Variants in VPS41 observed in about 807,000 individuals in gnomAD.
The protein encoded by VPS41 is VPS41 subunit of HOPS complex.
A neutral mutation model predicts 130.9 loss-of-function variants in VPS41; 85 were observed. The observed-to-expected ratio is 0.65, with a 90% confidence interval of 0.55 to 0.78. The LOEUF is 0.78. Ranked by LOEUF, VPS41 falls within the 30% of genes least tolerant of loss-of-function variation. The pLI is 0.00. For missense variants in VPS41, 874 were observed against 1,018.7 expected, an observed-to-expected ratio of 0.86 and a Z score of 1.93; for synonymous variants, 335 against 332.9, an observed-to-expected ratio of 1.01 and a Z score of -0.07.
intron 2 of VPS41, among the ~76,000 whole-genome samples, chr7:38,887,803 G>C (rs1160681632): frequency 1.3e-5 from 2 of 152,182 alleles, no homozygotes; most frequent in African/African-American, 4.8e-5. Flanking sequence ...CCCACAAAGG[G>C]AGGCCTATCA....
chr7:38,882,029 C>A (rs1411923974), intron 2 of VPS41, among the ~76,000 whole-genome samples: 1 of 152,154 alleles, frequency 6.6e-6, no homozygotes, highest in African/African-American at 2.4e-5. Flanking sequence ...TTCTAGATTG[C>A]ACCATTTTGT....
intron 18 of VPS41, among the ~76,000 whole-genome samples, chr7:38,758,108 T>C (rs1000069658): frequency 6.6e-6 from 1 of 152,162 alleles, no homozygotes; most frequent in South Asian, 2.1e-4. Context: ...TCCTAACCAC[T>C]GCCTCTCCCA....
At chr7:38,871,314 A>G (rs1786354056) in intron 2 of VPS41, among the ~76,000 whole-genome samples, 1 of 152,236 alleles carries the variant, frequency 6.6e-6, no homozygotes, top group African/African-American at 2.4e-5. Context: ...CAGAGACTGC[A>G]AACTCAAATT....
At chr7:38,738,827 CAT>C (rs1045382510) in intron 25 of VPS41, among the ~76,000 whole-genome samples, 1 of 152,282 alleles carries the variant, frequency 6.6e-6, no homozygotes, top group African/African-American at 2.4e-5. Flanking sequence ...GGTATAAAAA[CAT>C]AGAAAGTTAA....
At chr7:38,745,252 T>A (rs1795964187) in intron 23 of VPS41, among the ~76,000 whole-genome samples, 1 of 152,232 alleles carries the variant, frequency 6.6e-6, no homozygotes, top group African/African-American at 2.4e-5. Flanking sequence ...ATAAGCTGAT[T>A]ATAATTTTTT....
chr7:38,754,747 T>C lies in VPS41; in HGVS notation c.1743A>G (p.Lys581=). ...LLDNEDKISI[K]KVVEELEDRP... is the part of the protein sequence containing the mutation. Reference sequence around the variant, plus strand: ...TGTCTTCCAATTCTTCCACTACCTTTTTAATCTAGATAAAAAAGAAAAGTT... The same window carrying C: ...TGTCTTCCAATTCTTCCACTACCTTCTTAATCTAGATAAAAAAGAAAAGTT... The change falls in exon 21 of 29, where the codon AAA becomes AAG. Residue 581 remains lysine, a synonymous_variant. Transcript: ENST00000310301. 1 of 1,613,258 alleles carries C rather than the reference T, an allele frequency of 6.2e-7. No homozygotes were observed. Among genetic ancestry groups the C allele is most frequent in the Non-Finnish European group, 8.5e-7 (1 of 1,179,512 alleles).
intron 18 of VPS41, among the ~76,000 whole-genome samples, chr7:38,757,715 T>C (rs190274563): frequency 3.7e-4 from 56 of 152,212 alleles, no homozygotes; most frequent in Non-Finnish European, 6.9e-4. Context: ...CCTGAGGTGA[T>C]GGGGGCACTG....
intron 25 of VPS41, among the ~76,000 whole-genome samples, chr7:38,739,615 C>A (rs1289944079): frequency 6.6e-6 from 1 of 152,166 alleles, no homozygotes; most frequent in African/African-American, 2.4e-5. Flanking sequence ...GAACCACCTG[C>A]CCCCGGAGAG....
chr7:38,888,244 A>G (rs1048745126), intron 2 of VPS41, among the ~76,000 whole-genome samples: 9 of 152,238 alleles, frequency 5.9e-5, no homozygotes, highest in African/African-American at 2.2e-4. Context: ...AACTGGATAG[A>G]GTCAAGACCC....
chr7:38,783,666 T>C (rs1356344674), intron 10 of VPS41, among the ~76,000 whole-genome samples: 3 of 151,988 alleles, frequency 2.0e-5, no homozygotes, highest in African/African-American at 7.3e-5. Context: ...ACAGCAGCAA[T>C]AATCATGACC....
chr7:38,798,741 G>A (rs564590534), intron 7 of VPS41, among the ~76,000 whole-genome samples: 12 of 152,238 alleles, frequency 7.9e-5, no homozygotes, highest in Non-Finnish European at 1.5e-4. Flanking sequence ...CAGGATGGCC[G>A]GGAGAACAGC....
intron 11 of VPS41, 116 bp downstream of exon 11, chr7:38,776,563 T>C (rs1459652451): frequency 3.5e-6 from 2 of 572,468 alleles, no homozygotes; most frequent in Non-Finnish European, 6.5e-6. Context: ...CCTTATTTTA[T>C]AGGTCAGAAA....
intron 10 of VPS41, among the ~76,000 whole-genome samples, chr7:38,788,157 CTAAAAG>C (rs1172341497): frequency 6.6e-6 from 1 of 152,136 alleles, no homozygotes; most frequent in African/African-American, 2.4e-5. Flanking sequence ...CACACCCATC[CTAAAAG>C]ATAGATATTA....
chr7:38,860,697 TTGTGTGTGTG>T (rs59007809), intron 4 of VPS41, among the ~76,000 whole-genome samples: 2,811 of 143,460 alleles, frequency 0.02, 25 homozygotes, highest in African/African-American at 0.023. Flanking sequence ...AACAATCTGT[TTGTGTGTGTG>T]TGTGTGTGTG....
rs141364197 is a variant in VPS41 at position 38,758,105 on chromosome 7, C to T, written c.1550+249G>A. On this transcript the variant is annotated intron_variant, in intron 18 of 28. Coordinates refer to ENST00000310301, the MANE Select transcript of VPS41 (RefSeq NM_014396.4). Reference sequence around the variant, plus strand: ...ACTTGGCACCCTTTTGTTTCCTAACCACTGCCTCTCCCAAGCGCTGTGCGT... The same window carrying T: ...ACTTGGCACCCTTTTGTTTCCTAACTACTGCCTCTCCCAAGCGCTGTGCGT... Among the ~76,000 whole-genome samples the T allele has an allele frequency of 5.2e-3, 799 of 152,218 alleles. 8 individuals are homozygous for T. Among genetic ancestry groups the T allele is most frequent in the African/African-American group, 0.018 (740 of 41,534 alleles).
chr7:38,907,933 GA>G (rs1787303920), intron 1 of VPS41, among the ~76,000 whole-genome samples: 1 of 152,114 alleles, frequency 6.6e-6, no homozygotes, highest in Non-Finnish European at 1.5e-5. Flanking sequence ...GTTTTCCTTT[GA>G]ACTGCTAGAA....
chr7:38,817,696 T>C (rs1451933853), intron 7 of VPS41, 121 bp downstream of exon 7: 10 of 856,242 alleles, frequency 1.2e-5, no homozygotes, highest in Non-Finnish European at 1.8e-5. Flanking sequence ...TTCATTACAT[T>C]TGTCTTTCTC....
At chr7:38,891,459 T>C (rs1786864946) in intron 2 of VPS41, among the ~76,000 whole-genome samples, 2 of 152,146 alleles carry the variant, frequency 1.3e-5, no homozygotes. Context: ...ATCAGCAAAC[T>C]ACAGCCTGCA....
At chr7:38,786,956 C>T (rs1562586362) in intron 10 of VPS41, among the ~76,000 whole-genome samples, 1 of 151,978 alleles carries the variant, frequency 6.6e-6, no homozygotes, top group Non-Finnish European at 1.5e-5. Context: ...AACAGATCAC[C>T]AATTTTCAGG....
Sources: gnomAD v4.1 joint callset for allele counts (sites outside exome capture counted in the v4.1 genomes callset) on GRCh38, gnomAD v4.1.1 for gene constraint, MANE v1.5 for transcripts, NCBI Gene and HGNC (gene_info 2026-07-23, HGNC 2026-07-21) for gene names.